Variants in OPCML observed in about 807,000 individuals in gnomAD.
The protein encoded by OPCML is opioid-binding protein/cell adhesion molecule.
Under a neutral mutation model 37.8 loss-of-function variants are expected in OPCML, and 13 were observed. The observed-to-expected ratio is 0.34, with a 90% CI of 0.22 to 0.55. The LOEUF is 0.55. Ranked by LOEUF, OPCML falls within the 20% of genes least tolerant of loss-of-function variation. The probability of loss-of-function intolerance (pLI) is 0.91; values close to 1 mark genes in which losing one functional copy is unlikely to be tolerated. For synonymous variants in OPCML, 176 were observed against 168.8 expected (o/e 1.04, Z -0.33); for missense variants, 341 against 435.6 (o/e 0.78, Z 1.93).
chr11:132,594,354 C>T (rs117989247), intron 3 of OPCML, among the ~76,000 whole-genome samples: 5 of 152,048 alleles, frequency 3.3e-5, no homozygotes, highest in East Asian at 1.9e-4. Context: ...TATTGCTATC[C>T]GATGCTGTCA....
At chr11:133,168,781 A>G (rs4937754) in intron 1 of OPCML, among the ~76,000 whole-genome samples, 66,685 of 152,004 alleles carry the variant, frequency 0.44, 15,059 homozygotes, top group South Asian at 0.54. Context: ...TCTAGGAATT[A>G]TTGTAAATTC....
At chr11:132,741,921 C>T (rs999387369) in intron 2 of OPCML, among the ~76,000 whole-genome samples, 12 of 151,470 alleles carry the variant, frequency 7.9e-5, no homozygotes, top group Admixed American at 2.6e-4. Flanking sequence ...CCCAGCTACT[C>T]GGGAGGCTGA....
At chr11:132,678,732 G>A (rs75369442) in intron 2 of OPCML, among the ~76,000 whole-genome samples, 3,444 of 152,304 alleles carry the variant, frequency 0.023, 137 homozygotes, top group African/African-American at 0.078. Flanking sequence ...TTGGGCGAGG[G>A]AGAGGTGAAC....
chr11:133,056,199 A>G (rs1385011514), intron 1 of OPCML, among the ~76,000 whole-genome samples: 2 of 152,252 alleles, frequency 1.3e-5, no homozygotes, highest in Non-Finnish European at 2.9e-5. Flanking sequence ...TCTATATGTG[A>G]TATCTAATAA....
chr11:133,082,962 C>T (rs1289282446), intron 1 of OPCML, among the ~76,000 whole-genome samples: 1 of 150,958 alleles, frequency 6.6e-6, no homozygotes, highest in Non-Finnish European at 1.5e-5. Flanking sequence ...TCGCCGGGAC[C>T]GCACCTCGTC....
intron 1 of OPCML, among the ~76,000 whole-genome samples, chr11:133,221,455 GTTGT>G (rs1275582607): frequency 3.3e-5 from 5 of 152,222 alleles, no homozygotes; most frequent in African/African-American, 1.2e-4. Context: ...AGCTCCCTGA[GTTGT>G]TTAAGGTGTC....
intron 4 of OPCML, among the ~76,000 whole-genome samples, chr11:132,495,939 A>G (rs1429425638): frequency 6.6e-6 from 1 of 152,090 alleles, no homozygotes; most frequent in Non-Finnish European, 1.5e-5. Context: ...AGTTAAGCCA[A>G]GTTGATTCAT....
At position 133,422,377 on chromosome 11, in the gene OPCML, T is replaced by TTATATATATATATATATATATATATATA. The variant is rs10525519; in HGVS notation, c.61+109886_61+109887insTATATATATATATATATATATATATATA. 562 of 635,612 alleles carry TTATATATATATATATATATATATATATA rather than the reference T, an allele frequency of 8.8e-4. 20 individuals carry two copies. The highest frequency in any genetic ancestry group is 5.5e-3 in the African/African-American group (167 of 30,618). 39.4% of individuals were successfully genotyped at this position (635,612 alleles called of 1,614,324 possible). A position where few individuals can be genotyped will look rare whatever the true frequency, so the allele number is the denominator to read the frequency against. ...CATTTTTTCTCTCAGACCAAAGACA[T>TTATATATATATATATATATATATATATA]TATATATATATATATATGTATATAT... On this transcript the variant is annotated intron_variant, in intron 1 of 7. Coordinates refer to ENST00000524381, the MANE Select transcript of OPCML (RefSeq NM_001012393.5).
chr11:132,997,221 C>T (rs1946904854), intron 1 of OPCML, among the ~76,000 whole-genome samples: 1 of 152,214 alleles, frequency 6.6e-6, no homozygotes. Flanking sequence ...ACATGAGTCA[C>T]ACATATCTTG....
intron 3 of OPCML, among the ~76,000 whole-genome samples, chr11:132,636,522 C>T (rs1940510805): frequency 6.6e-6 from 1 of 152,206 alleles, no homozygotes; most frequent in African/African-American, 2.4e-5. Flanking sequence ...CCACAGTGAT[C>T]ATATGTCCAA....
At chr11:133,126,786 G>T (rs1949523961) in intron 1 of OPCML, among the ~76,000 whole-genome samples, 1 of 152,122 alleles carries the variant, frequency 6.6e-6, no homozygotes, top group South Asian at 2.1e-4. Flanking sequence ...ACTGGGCCTG[G>T]AATTCCAGCT....
chr11:132,621,415 G>A (rs967225188), intron 3 of OPCML, among the ~76,000 whole-genome samples: 18 of 152,126 alleles, frequency 1.2e-4, no homozygotes, highest in Non-Finnish European at 2.1e-4. Flanking sequence ...TTTATCATAA[G>A]AGAATGAACA....
At chr11:133,294,317 G>T (rs1299852274) in intron 1 of OPCML, among the ~76,000 whole-genome samples, 1 of 152,148 alleles carries the variant, frequency 6.6e-6, no homozygotes, top group Non-Finnish European at 1.5e-5. Flanking sequence ...CTTGAGATCA[G>T]GGGCTGAAGT....
intron 1 of OPCML, among the ~76,000 whole-genome samples, chr11:133,397,583 G>C (rs1316117026): frequency 2.0e-5 from 3 of 152,200 alleles, no homozygotes; most frequent in African/African-American, 2.4e-5. Context: ...ATAACATTTG[G>C]GCGATGCATT....
intron 1 of OPCML, among the ~76,000 whole-genome samples, chr11:132,990,306 C>T (rs1189204650): frequency 2.0e-5 from 3 of 152,210 alleles, no homozygotes; most frequent in Admixed American, 6.5e-5. Context: ...CACTTACCAT[C>T]GATCTATAAC....
chr11:132,673,128 T>G (rs148055477), intron 2 of OPCML, among the ~76,000 whole-genome samples: 212 of 152,292 alleles, frequency 1.4e-3, no homozygotes, highest in African/African-American at 4.9e-3. Flanking sequence ...TTGCACAAGA[T>G]GCTTGCCCCA....
intron 1 of OPCML, among the ~76,000 whole-genome samples, chr11:133,417,932 A>T (rs978494594): frequency 6.7e-6 from 1 of 149,596 alleles, no homozygotes. Context: ...GAGTAAAAAT[A>T]AAAATATAGG....
intron 2 of OPCML, among the ~76,000 whole-genome samples, chr11:132,833,419 GCTGTCATCTC>G (rs1346017138): frequency 3.3e-5 from 5 of 152,188 alleles, no homozygotes; most frequent in African/African-American, 1.2e-4. Flanking sequence ...CACGCATGGA[GCTGTCATCTC>G]CGGTGCTAAC....
At chr11:133,225,532 T>G (rs1392414703) in intron 1 of OPCML, among the ~76,000 whole-genome samples, 1 of 152,160 alleles carries the variant, frequency 6.6e-6, no homozygotes, top group Non-Finnish European at 1.5e-5. Flanking sequence ...CTTGAAACAG[T>G]GCCTAGCTCA....
Sources: allele counts gnomAD v4.1 joint callset (sites outside exome capture counted in the v4.1 genomes callset), GRCh38; gene constraint gnomAD v4.1.1; transcripts MANE v1.5; gene names NCBI Gene and HGNC (gene_info 2026-07-23, HGNC 2026-07-21).